ZNF595: variants seen among roughly 807,000 people sequenced by gnomAD.
The protein encoded by ZNF595 is zinc finger protein 595.
Under a neutral mutation model 19.4 loss-of-function variants are expected in ZNF595, and 9 were observed. The ratio of observed to expected loss-of-function variants is 0.46; its 90% CI spans 0.28 to 0.81. ZNF595 has a LOEUF of 0.81. ZNF595 is among the 30% of genes least tolerant of loss of function. ZNF595 has a pLI of 0.11. For synonymous variants in ZNF595, 255 were observed against 255.9 expected (o/e 1.00, Z 0.03); for missense variants, 729 against 736.0 (o/e 0.99, Z 0.11).
At chr4:80,890 C>T (rs1353788985) in intron 3 of ZNF595, among the ~76,000 whole-genome samples, 4 of 151,632 alleles carry the variant, frequency 2.6e-5, no homozygotes, top group South Asian at 2.1e-4. Flanking sequence ...AGTATACATG[C>T]GCCATGGTGG....
chr4:85,638 A>C (rs1714102875), intron 3 of ZNF595, 93 bp from the exon 4 acceptor site: 2 of 1,362,426 alleles, frequency 1.5e-6, no homozygotes, highest in Non-Finnish European at 2.0e-6. Flanking sequence ...TATCTTACTA[A>C]TGCAGTTTGT....
chr4:68,924 A>G (rs942910832), intron 3 of ZNF595, among the ~76,000 whole-genome samples: 10 of 152,186 alleles, frequency 6.6e-5, no homozygotes, highest in African/African-American at 2.4e-4. Context: ...CCAGCCTCTG[A>G]TAACAATCCT....
At position 86,830 on chromosome 4, in the gene ZNF595, C is replaced by T. The variant is rs1714214296; in HGVS notation, c.1326C>T (p.His442=). Residue 442 remains histidine (H), a synonymous_variant, in exon 4 of 4, where the codon CAC becomes CAT. Coordinates refer to ENST00000610261, the MANE Select transcript of ZNF595 (RefSeq NM_182524.4). ...AFNQSSTLIL[H]KRIHSGQKPY... is the part of the protein sequence containing the mutation. The stretch of plus-strand genomic sequence containing the variant: ...ACCAATCCTCAACTCTTATATTACA[C>T]AAGAGAATCCATTCTGGGCAAAAAC... 12 of 1,613,124 alleles carry T rather than the reference C, an allele frequency of 7.4e-6. No homozygotes were observed. In the East Asian group the frequency reaches 2.5e-4, roughly 33 times the overall value.
Position 87,370 on chromosome 4 carries a change from T to C in ZNF595, c.1866T>C (p.Cys622=), listed in dbSNP as rs782764311. 2 of 1,613,272 alleles carry C rather than the reference T, an allele frequency of 1.2e-6. No homozygotes were observed. Among genetic ancestry groups the C allele is most frequent in the Non-Finnish European group, 1.7e-6 (2 of 1,179,730 alleles). The change falls in exon 4 of 4, where the codon TGT becomes TGC. Residue 622 remains cysteine (C), a synonymous_variant. Transcript: ENST00000610261. Reference sequence around the variant, plus strand: ...ATACTGGAGAGAAATCCTACAAATGTGAAGAATGTGGCAAAGCTTTTAATC... The same window carrying C: ...ATACTGGAGAGAAATCCTACAAATGCGAAGAATGTGGCAAAGCTTTTAATC... ...IIHTGEKSYK[C]EECGKAFNRP... is the part of the protein sequence containing the mutation.
chr4:87,573 A>G lies in ZNF595; in HGVS notation c.*122A>G. ...TAAATTTTTTAAAATTTCTGTAGGTACATAGTATGTGTATCTATTCATGGC... is the reference window on the plus strand; with the variant it reads ...TAAATTTTTTAAAATTTCTGTAGGTGCATAGTATGTGTATCTATTCATGGC... On this transcript the variant is annotated 3_prime_UTR_variant, in exon 4 of 4. Transcript: ENST00000610261. 2 of 883,508 alleles carry G rather than the reference A, an allele frequency of 2.3e-6. No homozygotes were observed. Among genetic ancestry groups the G allele is most frequent in the Non-Finnish European group, 3.3e-6 (2 of 613,326 alleles). 54.7% of individuals were successfully genotyped at this position (883,508 alleles called of 1,614,324 possible).
chr4:84,891 A>G (rs927132366), intron 3 of ZNF595, among the ~76,000 whole-genome samples: 2 of 152,116 alleles, frequency 1.3e-5, no homozygotes, highest in African/African-American at 2.4e-5. Flanking sequence ...AAATTTCTAC[A>G]TCTTCATTTC....
At chr4:81,538 A>G (rs1451683741) in intron 3 of ZNF595, among the ~76,000 whole-genome samples, 6 of 152,196 alleles carry the variant, frequency 3.9e-5, no homozygotes, top group East Asian at 1.9e-4. Flanking sequence ...TTTAGATATT[A>G]TTTTTGATTG....
At chr4:75,527 G>A (rs983076854) in intron 3 of ZNF595, among the ~76,000 whole-genome samples, 1 of 152,112 alleles carries the variant, frequency 6.6e-6, no homozygotes, top group Non-Finnish European at 1.5e-5. Context: ...TCTCACAATG[G>A]CAGTTAAATT....
chr4:85,795 A>C lies in ZNF595; in HGVS notation c.291A>C (p.Lys97Asn), dbSNP rs782255081. 2 of 1,613,636 alleles carry C rather than the reference A, an allele frequency of 1.2e-6. No homozygotes were observed. ...PVQGIEDSFH[K>N]LILKRYEKCG... The stretch of plus-strand genomic sequence containing the variant: ...AGGGGATAGAAGATTCATTCCACAA[A>C]CTTATACTGAAAAGATACGAGAAAT... Residue 97 changes from lysine to asparagine, a missense_variant, in exon 4 of 4, where the codon AAA (lysine) becomes AAC (asparagine). Coordinates refer to ENST00000610261, the MANE Select transcript of ZNF595 (RefSeq NM_182524.4).
intron 3 of ZNF595, among the ~76,000 whole-genome samples, chr4:83,873 T>A (rs1223004954): frequency 6.6e-6 from 1 of 151,806 alleles, no homozygotes; most frequent in Non-Finnish European, 1.5e-5. Flanking sequence ...GATTTTTACT[T>A]CTTATTTTAT....
chr4:78,794 C>T (rs1713780986), intron 3 of ZNF595, among the ~76,000 whole-genome samples: 1 of 152,226 alleles, frequency 6.6e-6, no homozygotes, highest in Non-Finnish European at 1.5e-5. Flanking sequence ...TCTCAGCTTA[C>T]CGCAGCCTCC....
At chr4:81,054 C>G (rs1713888327) in intron 3 of ZNF595, among the ~76,000 whole-genome samples, 2 of 152,092 alleles carry the variant, frequency 1.3e-5, no homozygotes, top group Non-Finnish European at 2.9e-5. Flanking sequence ...CATTGTTCAA[C>G]TCCCACTTAT....
intron 3 of ZNF595, among the ~76,000 whole-genome samples, chr4:68,919 C>T (rs572597442): frequency 6.6e-6 from 1 of 152,296 alleles, no homozygotes; most frequent in East Asian, 1.9e-4. Context: ...ACTTTCCAGC[C>T]TCTGATAACA....
Position 87,731 on chromosome 4 carries a change from T to TTC in ZNF595, c.*281_*282insCT. 1 of 199,474 alleles carries TTC rather than the reference T, an allele frequency of 5.0e-6. No homozygotes were observed. The highest frequency in any genetic ancestry group is 9.8e-6 in the Non-Finnish European group (1 of 101,676). The allele number at this position is 199,474 out of a possible 1,614,324, so 12.4% of individuals were successfully genotyped here. A position where few individuals can be genotyped will look rare whatever the true frequency, so the allele number is the denominator to read the frequency against. On this transcript the variant is annotated 3_prime_UTR_variant, in exon 4 of 4. Transcript: ENST00000610261. ...TACACTTTAATTTTTTTTTTTTTTTTTTTTTTTGAGACAGAGTCTCGTTCT... is the reference window on the plus strand; with the variant it reads ...TACACTTTAATTTTTTTTTTTTTTTTTCTTTTTTTGAGACAGAGTCTCGTTCT...
intron 3 of ZNF595, among the ~76,000 whole-genome samples, chr4:82,208 A>G (rs1210534277): frequency 6.6e-6 from 1 of 151,884 alleles, no homozygotes; most frequent in Non-Finnish European, 1.5e-5. Flanking sequence ...GGGGGTTGCT[A>G]TTTCTATTTC....
chr4:80,282 G>C (rs1178360606), intron 3 of ZNF595, among the ~76,000 whole-genome samples: 5 of 152,168 alleles, frequency 3.3e-5, no homozygotes, highest in Admixed American at 6.5e-5. Flanking sequence ...GCCTCCCAAA[G>C]TGCTGGGATT....
intron 3 of ZNF595, among the ~76,000 whole-genome samples, chr4:66,217 C>T (rs1235677635): frequency 6.6e-6 from 1 of 151,038 alleles, no homozygotes; most frequent in Non-Finnish European, 1.5e-5. Flanking sequence ...CACAGTAATA[C>T]CTCATTGTGG....
intron 3 of ZNF595, among the ~76,000 whole-genome samples, chr4:74,430 A>G (rs1201845920): frequency 6.6e-6 from 1 of 152,152 alleles, no homozygotes; most frequent in African/African-American, 2.4e-5. Context: ...CCCTAGTATT[A>G]TCATATTTGT....
At chr4:76,712 CTCTTCTT>C (rs1713675499) in intron 3 of ZNF595, among the ~76,000 whole-genome samples, 4 of 152,094 alleles carry the variant, frequency 2.6e-5, no homozygotes. Context: ...GTCAGGTATA[CTCTTCTT>C]CGTTGTCAAA....
Sources: allele counts gnomAD v4.1 joint callset (sites outside exome capture counted in the v4.1 genomes callset), GRCh38; gene constraint gnomAD v4.1.1; transcripts MANE v1.5; gene names NCBI Gene and HGNC (gene_info 2026-07-23, HGNC 2026-07-21).